USP32: variants seen among roughly 807,000 people sequenced by gnomAD.
USP32 encodes ubiquitin carboxyl-terminal hydrolase 32.
A neutral mutation model predicts 204.8 loss-of-function variants in USP32; 59 were observed. The ratio of observed to expected loss-of-function variants is 0.29; its 90% confidence interval spans 0.23 to 0.36. USP32 has a LOEUF of 0.36. USP32 is among the 10% of genes least tolerant of loss of function. The probability of loss-of-function intolerance (pLI) is 1.00; values close to 1 mark genes in which losing one functional copy is unlikely to be tolerated. For missense variants in USP32, 1,160 were observed against 1,946.4 expected (o/e 0.60, Z 7.60); for synonymous variants, 517 against 678.4 (o/e 0.76, Z 3.70).
rs1185818156 is a variant in USP32 at position 60,211,294 on chromosome 17, G to T, written c.2318+82C>A. The T allele has an allele frequency of 3.9e-6, 6 of 1,538,914 alleles. No homozygotes were observed. In the East Asian group the frequency reaches 1.4e-4, roughly 35 times the overall value. Reference sequence around the variant, plus strand: ...ATAAGATAAAATCTTTCTCCCACAGGGTGAAAAAAGAGGAAATTTAGGTGA... The same window carrying T: ...ATAAGATAAAATCTTTCTCCCACAGTGTGAAAAAAGAGGAAATTTAGGTGA... On this transcript the variant is annotated intron_variant, in intron 20 of 33. Coordinates refer to ENST00000300896, the MANE Select transcript of USP32 (RefSeq NM_032582.4).
At chr17:60,263,295 T>C (rs2145755459) in intron 9 of USP32, among the ~76,000 whole-genome samples, 1 of 152,210 alleles carries the variant, frequency 6.6e-6, no homozygotes, top group East Asian at 1.9e-4. Flanking sequence ...TTTACCTGTA[T>C]ACTACAAACT....
chr17:60,245,660 G>A, intron 11 of USP32: 1 of 231,568 alleles, frequency 4.3e-6, no homozygotes, highest in South Asian at 7.2e-5. Flanking sequence ...TGCCAAGTAG[G>A]AGATGGCTGC....
chr17:60,237,129 TC>T (rs1266107101), intron 11 of USP32, among the ~76,000 whole-genome samples: 2 of 150,386 alleles, frequency 1.3e-5, no homozygotes, highest in African/African-American at 4.9e-5. Context: ...TATCTATCTA[TC>T]TATCTATCTA....
At chr17:60,404,098 A>G (rs1209690727) in intron 1 of USP32, among the ~76,000 whole-genome samples, 6 of 151,950 alleles carry the variant, frequency 3.9e-5, no homozygotes, top group Non-Finnish European at 2.9e-5. Context: ...GCACACACAC[A>G]TATTTCTGGG....
chr17:60,213,001 T>C (rs919595263), intron 18 of USP32, among the ~76,000 whole-genome samples: 8 of 152,092 alleles, frequency 5.3e-5, no homozygotes, highest in South Asian at 2.1e-4. Flanking sequence ...GATCCACCCA[T>C]CTCAGCCTCC....
intron 1 of USP32, among the ~76,000 whole-genome samples, chr17:60,357,709 T>G (rs1386970436): frequency 6.6e-6 from 1 of 152,138 alleles, no homozygotes; most frequent in Non-Finnish European, 1.5e-5. Flanking sequence ...AATTAATCTC[T>G]GGAAAGGACT....
intron 1 of USP32, among the ~76,000 whole-genome samples, chr17:60,356,892 A>G (rs2089091842): frequency 6.6e-6 from 1 of 152,180 alleles, no homozygotes; most frequent in African/African-American, 2.4e-5. Context: ...AAGTTCAAAG[A>G]AGAAAAAAAA....
At chr17:60,384,171 G>C (rs2089690813) in intron 1 of USP32, among the ~76,000 whole-genome samples, 1 of 152,242 alleles carries the variant, frequency 6.6e-6, no homozygotes, top group African/African-American at 2.4e-5. Context: ...CAATAGTGAT[G>C]CCATTTGCTG....
At chr17:60,412,157 G>A (rs146032517) in intron 1 of USP32, among the ~76,000 whole-genome samples, 4 of 152,046 alleles carry the variant, frequency 2.6e-5, no homozygotes, top group African/African-American at 7.2e-5. Context: ...TCACCACACC[G>A]GTATTTTCCA....
chr17:60,256,375 CT>C (rs574493744), intron 9 of USP32, among the ~76,000 whole-genome samples: 207 of 152,226 alleles, frequency 1.4e-3, no homozygotes, highest in African/African-American at 4.9e-3. Flanking sequence ...ATCATGATCA[CT>C]TTTCAAAAAA....
At chr17:60,232,174 T>TCTTTTTTTTTTTTC (rs200646774) in intron 12 of USP32, among the ~76,000 whole-genome samples, 1 of 140,672 alleles carries the variant, frequency 7.1e-6, no homozygotes, top group African/African-American at 2.7e-5. Context: ...TTTTCTTTTT[T>TCTTTTTTTTTTTTC]TTTTTTTTTT....
chr17:60,189,998 A>G (rs1247005324), intron 29 of USP32, among the ~76,000 whole-genome samples: 2 of 152,196 alleles, frequency 1.3e-5, no homozygotes, highest in African/African-American at 2.4e-5. Context: ...CTGATTCCCA[A>G]TGTGGCGTTG....
chr17:60,222,487 T>A lies in USP32; in HGVS notation c.1671A>T (p.Arg557Ser). The A allele has an allele frequency of 6.2e-7, 1 of 1,614,212 alleles. No individual in the cohort carries two copies. Among genetic ancestry groups the A allele is most frequent in the Non-Finnish European group, 8.5e-7 (1 of 1,180,040 alleles). Residue 557 changes from arginine (R) to serine (S), a missense_variant, in exon 15 of 34, where the codon AGA becomes AGT. Physicochemically the swap from Arg to Ser is moderately radical, Grantham distance 110. Around this residue, in one of 8 missense-constraint regions of USP32, gnomAD observed 536 missense variants for 680.9 expected, o/e 0.79. Transcript: ENST00000300896. ...LKRTPQLIHG[R>S]DYEMVPEPVW... ...CAGGTTCTGGGACCATTTCATAGTC[T>A]CTTCCATGAATCAGCTGTGGAGTTC...
chr17:60,367,335 T>C (rs2089337757), intron 1 of USP32, among the ~76,000 whole-genome samples: 1 of 152,070 alleles, frequency 6.6e-6, no homozygotes, highest in African/African-American at 2.4e-5. Context: ...TAATGAGACC[T>C]TGTCTCTACT....
At chr17:60,221,596 T>C (rs2145566290) in intron 15 of USP32, among the ~76,000 whole-genome samples, 1 of 151,750 alleles carries the variant, frequency 6.6e-6, no homozygotes, top group African/African-American at 2.4e-5. Context: ...AACCTCTGCC[T>C]CCTGGGCTCA....
At chr17:60,360,702 C>T (rs549342965) in intron 1 of USP32, among the ~76,000 whole-genome samples, 1 of 152,056 alleles carries the variant, frequency 6.6e-6, no homozygotes, top group Admixed American at 6.6e-5. Flanking sequence ...AAAACTAAAA[C>T]TATACAAAAT....
chr17:60,305,327 G>C (rs907638986), intron 2 of USP32: 8 of 152,172 alleles, frequency 5.3e-5, no homozygotes, highest in African/African-American at 1.9e-4. Flanking sequence ...AAGCATGAGA[G>C]AGAGGAGGAA....
chr17:60,252,349 T>C (rs748940986), intron 11 of USP32, 32 bp downstream of exon 11: 6 of 1,552,746 alleles, frequency 3.9e-6, no homozygotes, highest in East Asian at 2.3e-5. Flanking sequence ...GTATGTGAAA[T>C]TTCAACTATA....
At chr17:60,269,360 A>G in intron 7 of USP32, 90 bp downstream of exon 7, 1 of 938,396 alleles carries the variant, frequency 1.1e-6, no homozygotes, top group Non-Finnish European at 1.6e-6. Context: ...TAAAAATTCA[A>G]GCCTTAATCC....
Sources: gnomAD v4.1 joint callset for allele counts (sites outside exome capture counted in the v4.1 genomes callset) on GRCh38, gnomAD v4.1.1 for gene constraint, gnomAD v4.1.1 regional missense constraint, MANE v1.5 for transcripts, NCBI Gene and HGNC (gene_info 2026-07-23, HGNC 2026-07-21) for gene names.